The following ZNF704 variants were observed in gnomAD, a reference collection of about 807,000 sequenced individuals.
ZNF704 encodes zinc finger protein 704, also known as glucocorticoid induced gene 1.
A neutral mutation model predicts 44.7 loss-of-function variants in ZNF704; 10 were observed. The observed-to-expected ratio is 0.22, with a 90% confidence interval of 0.14 to 0.38. The LOEUF is 0.38. Ranked by LOEUF, ZNF704 falls within the 10% of genes least tolerant of loss-of-function variation. The pLI is 1.00. For synonymous variants in ZNF704, 211 were observed against 207.6 expected (o/e 1.02, Z -0.14); for missense variants, 390 against 545.5 (o/e 0.71, Z 2.84).
intron 1 of ZNF704, among the ~76,000 whole-genome samples, chr8:80,844,415 T>G (rs1309521577): frequency 1.3e-5 from 2 of 152,154 alleles, no homozygotes; most frequent in Non-Finnish European, 2.9e-5. Context: ...GCCTCTTCTT[T>G]TAAGCACACG....
chr8:80,755,521 A>AT (rs1807020348), intron 2 of ZNF704, among the ~76,000 whole-genome samples: 1 of 152,192 alleles, frequency 6.6e-6, no homozygotes, highest in African/African-American at 2.4e-5. Flanking sequence ...GAAAACAGAC[A>AT]TGACTACTGA....
chr8:80,827,086 A>C (rs1808390851), intron 1 of ZNF704, among the ~76,000 whole-genome samples: 1 of 152,216 alleles, frequency 6.6e-6, no homozygotes, highest in Non-Finnish European at 1.5e-5. Context: ...GCAATCAGGC[A>C]GAAGAAAGAA....
intron 7 of ZNF704, among the ~76,000 whole-genome samples, chr8:80,655,378 A>T (rs1279804037): frequency 7.7e-6 from 1 of 130,680 alleles, no homozygotes; most frequent in African/African-American, 2.9e-5. Context: ...TCCCAGTATA[A>T]AAAAAAAAAG....
At chr8:80,723,457 AC>A (rs1806409565) in intron 2 of ZNF704, among the ~76,000 whole-genome samples, 2 of 152,332 alleles carry the variant, frequency 1.3e-5, no homozygotes, top group South Asian at 2.1e-4. Context: ...TGGTAAAAAA[AC>A]ATTGAAATCA....
intron 5 of ZNF704, among the ~76,000 whole-genome samples, chr8:80,665,307 T>C (rs1585934474): frequency 6.6e-6 from 1 of 152,202 alleles, no homozygotes; most frequent in Non-Finnish European, 1.5e-5. Context: ...CAATCAATTA[T>C]TCAACAACGA....
At chr8:80,749,518 T>C (rs1190971964) in intron 2 of ZNF704, 1 of 153,166 alleles carries the variant, frequency 6.5e-6, no homozygotes, top group Non-Finnish European at 1.5e-5. Context: ...AATCATCTAA[T>C]ATAACATGAC....
intron 2 of ZNF704, among the ~76,000 whole-genome samples, chr8:80,720,975 C>A (rs1819156578): frequency 6.6e-6 from 1 of 152,224 alleles, no homozygotes; most frequent in African/African-American, 2.4e-5. Context: ...ATGGGGCCCG[C>A]AGAGTAGCAC....
At chr8:80,814,073 A>G (rs1184918770) in intron 2 of ZNF704, 4 of 152,146 alleles carry the variant, frequency 2.6e-5, no homozygotes, top group Non-Finnish European at 5.9e-5. Context: ...CTTGGCAGGA[A>G]GAGAGGGCTA....
chr8:80,702,210 T>C (rs1330932784), intron 2 of ZNF704, among the ~76,000 whole-genome samples: 1 of 152,030 alleles, frequency 6.6e-6, no homozygotes, highest in East Asian at 1.9e-4. Context: ...GCAAGCATGC[T>C]TGTAGGTGTG....
At chr8:80,665,150 T>A in intron 5 of ZNF704, 68 bp from the exon 6 acceptor site, 1 of 1,542,064 alleles carries the variant, frequency 6.5e-7, no homozygotes, top group African/African-American at 1.4e-5. Context: ...ATCTTGCACA[T>A]GCATTTCCCC....
rs545827583 is a variant in ZNF704 at position 80,636,124 on chromosome 8, T to C, written c.*5242A>G. ...ACTGACGCTTATTACCAAAGTGTCA[T>C]GTCTCTTAGAACTGTAGAAGCCTAA... On this transcript the variant is annotated 3_prime_UTR_variant, in exon 9 of 9. Coordinates refer to ENST00000327835, the MANE Select transcript of ZNF704 (RefSeq NM_001033723.3). 1.3e-5 allele frequency: 2 copies of C among 152,362 alleles called. No homozygotes were observed. The highest frequency in any genetic ancestry group is 4.1e-4 in the South Asian group (2 of 4,828). The allele number at this position is 152,362 out of a possible 1,614,324, so 9.4% of individuals were successfully genotyped here.
At chr8:80,708,262 G>A (rs1818927543) in intron 2 of ZNF704, among the ~76,000 whole-genome samples, 4 of 152,178 alleles carry the variant, frequency 2.6e-5, no homozygotes, top group Admixed American at 2.6e-4. Context: ...CCGTGCTCAA[G>A]GAACATGACT....
intron 2 of ZNF704, among the ~76,000 whole-genome samples, chr8:80,805,853 C>T (rs976989173): frequency 2.6e-5 from 4 of 152,146 alleles, no homozygotes; most frequent in Admixed American, 6.5e-5. Flanking sequence ...GGCTCCTGTA[C>T]GTCTGCAGAC....
chr8:80,844,547 C>T (rs1377477416), intron 1 of ZNF704, among the ~76,000 whole-genome samples: 2 of 152,096 alleles, frequency 1.3e-5, no homozygotes, highest in Admixed American at 1.3e-4. Flanking sequence ...ACAAACATTC[C>T]GTCTATAGTG....
At position 80,664,899 on chromosome 8, in the gene ZNF704, G is replaced by C; in HGVS notation, c.843C>G (p.Ala281=). 3.7e-6 allele frequency: 6 copies of C among 1,614,142 alleles called. No homozygotes were observed. The highest frequency in any genetic ancestry group is 5.1e-6 in the Non-Finnish European group (6 of 1,180,026). The change falls in exon 6 of 9, where the codon GCC becomes GCG. Residue 281 remains alanine (A), a synonymous_variant. Coordinates refer to ENST00000327835, the MANE Select transcript of ZNF704 (RefSeq NM_001033723.3). ...GCGTCATCAACTTAGTCTCCGTTTT[G>C]GCACAAGGAGTTTCTGTTCGGCTTG... is the stretch of plus-strand genomic sequence containing the variant. The part of the protein sequence containing the change: ...PDSSRTETPC[A]KTETKLMTPL...
intron 7 of ZNF704, among the ~76,000 whole-genome samples, chr8:80,648,962 A>C (rs1817873304): frequency 6.6e-6 from 1 of 152,180 alleles, no homozygotes; most frequent in South Asian, 2.1e-4. Context: ...TGTGTGCCCT[A>C]AAATAAAGCC....
At chr8:80,753,740 A>G (rs1251901672) in intron 2 of ZNF704, among the ~76,000 whole-genome samples, 3 of 152,206 alleles carry the variant, frequency 2.0e-5, no homozygotes, top group Non-Finnish European at 4.4e-5. Context: ...GTTTAAAGTA[A>G]TATCATCCAT....
chr8:80,820,770 C>T (rs1035806240), intron 2 of ZNF704, among the ~76,000 whole-genome samples: 2 of 152,076 alleles, frequency 1.3e-5, no homozygotes, highest in African/African-American at 4.8e-5. Context: ...GGCATGGCTG[C>T]ATATGCCTGT....
chr8:80,652,850 G>A (rs1230086491), intron 7 of ZNF704, among the ~76,000 whole-genome samples: 1 of 152,126 alleles, frequency 6.6e-6, no homozygotes, highest in African/African-American at 2.4e-5. Context: ...CCAAAGCCTG[G>A]CAGAGACACA....
Sources: gnomAD v4.1 joint callset for allele counts (sites outside exome capture counted in the v4.1 genomes callset) on GRCh38, gnomAD v4.1.1 for gene constraint, MANE v1.5 for transcripts, NCBI Gene and HGNC (gene_info 2026-07-23, HGNC 2026-07-21) for gene names.